GABBR2: variants seen among roughly 807,000 people sequenced by gnomAD.
GABBR2 encodes the protein gamma-aminobutyric acid type B receptor subunit 2, also known as G-protein coupled receptor 51.
Under a neutral mutation model 105.6 loss-of-function variants are expected in GABBR2, and 23 were observed. That is an observed-to-expected ratio of 0.22 (90% CI 0.16 to 0.31). The LOEUF (loss-of-function observed/expected upper bound fraction) is 0.31. GABBR2 is among the 10% of genes least tolerant of loss of function. The pLI, the probability that GABBR2 is intolerant of heterozygous loss-of-function variation, is 1.00. For missense variants in GABBR2, 734 were observed against 1,245.5 expected, an observed-to-expected ratio of 0.59 and a Z score of 6.18; for synonymous variants, 478 against 499.7, an observed-to-expected ratio of 0.96 and a Z score of 0.58.
chr9:98,518,564 G>C (rs2808568), intron 3 of GABBR2, among the ~76,000 whole-genome samples: 7,288 of 152,202 alleles, frequency 0.048, 259 homozygotes, highest in South Asian at 0.13. Context: ...CACCCCTTGT[G>C]AACACTGGCA....
intron 6 of GABBR2, among the ~76,000 whole-genome samples, chr9:98,464,554 G>C (rs532785406): frequency 2.0e-5 from 3 of 150,666 alleles, no homozygotes; most frequent in Non-Finnish European, 3.0e-5. Flanking sequence ...CGGCCGCCCT[G>C]TCTGGGAAGT....
intron 6 of GABBR2, among the ~76,000 whole-genome samples, chr9:98,458,377 C>T (rs752477348): frequency 5.3e-5 from 8 of 152,180 alleles, no homozygotes; most frequent in African/African-American, 9.7e-5. Context: ...CCCGTGCTGC[C>T]GTTTGTAAAT....
At chr9:98,554,033 G>C (rs932110622) in intron 2 of GABBR2, among the ~76,000 whole-genome samples, 4 of 152,120 alleles carry the variant, frequency 2.6e-5, no homozygotes, top group Admixed American at 2.6e-4. Context: ...GTTCAGAGAG[G>C]TGACTTACTC....
intron 13 of GABBR2, among the ~76,000 whole-genome samples, chr9:98,357,253 G>A (rs1831500213): frequency 6.6e-6 from 1 of 151,876 alleles, no homozygotes; most frequent in Non-Finnish European, 1.5e-5. Flanking sequence ...GTGGGTGGAG[G>A]GTACATGAGA....
At chr9:98,405,981 A>ACAT in intron 8 of GABBR2, 100 bp downstream of exon 8, 1 of 737,782 alleles carries the variant, frequency 1.4e-6, no homozygotes, top group Non-Finnish European at 2.4e-6. Flanking sequence ...TTTATCTGGA[A>ACAT]CATCACACTT....
At chr9:98,519,702 G>A (rs903283041) in intron 3 of GABBR2, among the ~76,000 whole-genome samples, 2 of 143,918 alleles carry the variant, frequency 1.4e-5, no homozygotes, top group African/African-American at 5.2e-5. Flanking sequence ...GAAACTAGGA[G>A]CCGGCAACTT....
In GABBR2 at chr9:98,679,717, C is replaced by G. The variant is rs117861713; in HGVS notation, c.321+28700G>C. The stretch of plus-strand genomic sequence containing the variant: ...AGTCACTCTTTGAGCTTCTCCCGCC[C>G]TTTTCTCTTGAAGCAAGTCAGAAGA... On this transcript the variant is annotated intron_variant, in intron 1 of 18. Transcript: ENST00000259455. Among the ~76,000 whole-genome samples, 296 of 152,312 alleles carry G rather than the reference C, an allele frequency of 1.9e-3. 4 individuals carry two copies. The East Asian group carries it at 0.037, about 19-fold the overall frequency.
intron 13 of GABBR2, among the ~76,000 whole-genome samples, chr9:98,353,007 G>C (rs1001025025): frequency 1.3e-5 from 2 of 152,102 alleles, no homozygotes; most frequent in Admixed American, 6.5e-5. Flanking sequence ...TGGGTTTTAG[G>C]GGGGTGAGTG....
At chr9:98,410,020 G>A (rs1477847360) in intron 7 of GABBR2, among the ~76,000 whole-genome samples, 1 of 152,118 alleles carries the variant, frequency 6.6e-6, no homozygotes, top group Non-Finnish European at 1.5e-5. Context: ...GAACAGATGG[G>A]GCAATGCTGC....
At chr9:98,353,920 C>T (rs1313300772) in intron 13 of GABBR2, among the ~76,000 whole-genome samples, 1 of 152,180 alleles carries the variant, frequency 6.6e-6, no homozygotes, top group Non-Finnish European at 1.5e-5. Context: ...TCCATCTTGC[C>T]ACCCTGTGAA....
chr9:98,581,779 G>A (rs761974642), intron 1 of GABBR2, among the ~76,000 whole-genome samples: 16 of 151,852 alleles, frequency 1.1e-4, no homozygotes, highest in East Asian at 3.9e-4. Context: ...TAATGACAAC[G>A]ATACTACAGT....
chr9:98,418,544 CA>C (rs1244901858), intron 7 of GABBR2, among the ~76,000 whole-genome samples: 1 of 151,492 alleles, frequency 6.6e-6, no homozygotes, highest in African/African-American at 2.4e-5. Context: ...CAAACAACAA[CA>C]ACAACAACAA....
At chr9:98,695,461 A>T (rs1437589375) in intron 1 of GABBR2, among the ~76,000 whole-genome samples, 1 of 152,196 alleles carries the variant, frequency 6.6e-6, no homozygotes, top group Non-Finnish European at 1.5e-5. Flanking sequence ...CCAGAAATGG[A>T]TGGGGCTTAA....
chr9:98,591,371 G>T (rs918447209), intron 1 of GABBR2, among the ~76,000 whole-genome samples: 1 of 152,218 alleles, frequency 6.6e-6, no homozygotes, highest in African/African-American at 2.4e-5. Context: ...TTGAGCCAGT[G>T]CGTCGGGAAC....
At chr9:98,327,866 C>CAAA (rs35475912) in intron 13 of GABBR2, among the ~76,000 whole-genome samples, 19 of 147,620 alleles carry the variant, frequency 1.3e-4, no homozygotes, top group South Asian at 2.2e-4. Context: ...GAGACTGTCT[C>CAAA]AAAAAAAATA....
intron 1 of GABBR2, among the ~76,000 whole-genome samples, chr9:98,660,418 C>T (rs80079746): frequency 7.9e-5 from 12 of 152,272 alleles, no homozygotes; most frequent in African/African-American, 2.6e-4. Flanking sequence ...AGAGTAAAAG[C>T]GTATCCTACT....
In GABBR2 at chr9:98,318,490, G is replaced by A. The variant is rs1229963717; in HGVS notation, c.1894-7285C>T. Among the ~76,000 whole-genome samples, 3 of 152,326 alleles carry A rather than the reference G, an allele frequency of 2.0e-5. No homozygotes were observed. The South Asian group carries it at 6.2e-4, about 32-fold the overall frequency. On this transcript the variant is annotated intron_variant, in intron 13 of 18. Coordinates refer to ENST00000259455, the MANE Select transcript of GABBR2 (RefSeq NM_005458.8). Reference sequence around the variant, plus strand: ...CCTTGACAATCATGTGCTTCTGTGTGTCCTGTGCAGGGCTGGCCAGGGCGG... The same window carrying A: ...CCTTGACAATCATGTGCTTCTGTGTATCCTGTGCAGGGCTGGCCAGGGCGG...
At chr9:98,480,108 C>T (rs1312553072) in intron 5 of GABBR2, among the ~76,000 whole-genome samples, 1 of 152,194 alleles carries the variant, frequency 6.6e-6, no homozygotes, top group Non-Finnish European at 1.5e-5. Context: ...CGTCACCAGA[C>T]ACTACGCCTA....
intron 7 of GABBR2, among the ~76,000 whole-genome samples, chr9:98,413,035 A>G (rs1204529343): frequency 6.6e-6 from 1 of 152,222 alleles, no homozygotes; most frequent in African/African-American, 2.4e-5. Flanking sequence ...TATATATATT[A>G]AATACATGTG....
Sources: allele counts gnomAD v4.1 joint callset (sites outside exome capture counted in the v4.1 genomes callset), GRCh38; gene constraint gnomAD v4.1.1; transcripts MANE v1.5; gene names NCBI Gene and HGNC (gene_info 2026-07-23, HGNC 2026-07-21).